Variants in MYSM1 observed in about 807,000 individuals in gnomAD.
MYSM1 encodes Myb like, SWIRM and MPN domains 1.
A neutral mutation model predicts 116.0 loss-of-function variants in MYSM1; 51 were observed. The observed-to-expected ratio is 0.44, with a 90% confidence interval of 0.35 to 0.56. The LOEUF (loss-of-function observed/expected upper bound fraction) is 0.56, where lower values mean the gene tolerates loss of function less well. MYSM1 is among the 20% of genes least tolerant of loss of function. The pLI, the probability that MYSM1 is intolerant of heterozygous loss-of-function variation, is 0.00. For synonymous variants in MYSM1, 313 were observed against 315.2 expected (o/e 0.99, Z 0.07); for missense variants, 900 against 974.9 (o/e 0.92, Z 1.02).
intron 11 of MYSM1, 42 bp from the exon 12 acceptor site, chr1:58,672,000 T>A (rs746631568): frequency 1.3e-6 from 2 of 1,483,472 alleles, no homozygotes; most frequent in East Asian, 2.3e-5. Flanking sequence ...CATCATCTAC[T>A]AAGAGGCAGA....
At chr1:58,672,027 A>G in intron 11 of MYSM1, 69 bp from the exon 12 acceptor site, 1 of 1,280,366 alleles carries the variant, frequency 7.8e-7, no homozygotes, top group East Asian at 2.4e-5. Context: ...ATAGTCCTTT[A>G]AAATCAAATT....
At position 58,695,160 on chromosome 1, in the gene MYSM1, T is replaced by A; in HGVS notation, c.116A>T (p.Asp39Val). 1 of 1,605,844 alleles carries A rather than the reference T, an allele frequency of 6.2e-7. No homozygotes were observed. Among genetic ancestry groups the A allele is most frequent in the Non-Finnish European group, 8.5e-7 (1 of 1,173,028 alleles). ...ASVLQKDHYL[D>V]SSWRTENGLI... Reference sequence around the variant, plus strand: ...GCCATTCTCTGTTCTCCAAGATGAATCAAGATAGTGATCTTTTTGTAAAAC... The same window carrying A: ...GCCATTCTCTGTTCTCCAAGATGAAACAAGATAGTGATCTTTTTGTAAAAC... Residue 39 changes from aspartate to valine, a missense_variant, in exon 2 of 20, where the codon GAT becomes GTT. Physicochemically the swap from Asp to Val is radical, Grantham distance 152 (BLOSUM62 -3). Around this residue, in one of 3 missense-constraint regions of MYSM1, gnomAD observed 622 missense variants for 623.7 expected, o/e 1.00. Coordinates refer to ENST00000472487, the MANE Select transcript of MYSM1 (RefSeq NM_001085487.3).
In MYSM1 at chr1:58,694,259, G is replaced by A. The variant is rs560719831; in HGVS notation, c.147+870C>T. On this transcript the variant is annotated intron_variant, in intron 2 of 19. Coordinates refer to ENST00000472487, the MANE Select transcript of MYSM1 (RefSeq NM_001085487.3). Reference sequence around the variant, plus strand: ...ATAAACTTCTTGAGAGCAGGAACACGTCTGTCTTCATTGTAGTCGTATTCT... The same window carrying A: ...ATAAACTTCTTGAGAGCAGGAACACATCTGTCTTCATTGTAGTCGTATTCT... 2.0e-5 allele frequency among the ~76,000 whole-genome samples: 3 copies of A among 152,284 alleles called. No individual in the cohort carries two copies. In the East Asian group the frequency reaches 5.8e-4, roughly 29 times the overall value.
intron 1 of MYSM1, among the ~76,000 whole-genome samples, chr1:58,699,327 C>T (rs1645029113): frequency 6.6e-6 from 1 of 152,182 alleles, no homozygotes; most frequent in Non-Finnish European, 1.5e-5. Context: ...TATGCTAAAG[C>T]ATATCTCATA....
intron 8 of MYSM1, among the ~76,000 whole-genome samples, chr1:58,679,118 C>A (rs925007224): frequency 2.0e-5 from 3 of 152,248 alleles, no homozygotes; most frequent in Admixed American, 2.0e-4. Context: ...TGAAAAGAAT[C>A]TTTATCTATA....
At chr1:58,696,667 C>T (rs562771679) in intron 1 of MYSM1, among the ~76,000 whole-genome samples, 11 of 152,292 alleles carry the variant, frequency 7.2e-5, no homozygotes, top group African/African-American at 2.6e-4. Flanking sequence ...ACAAACCATT[C>T]ACCTCCCCTC....
In MYSM1 at chr1:58,660,024, C is replaced by G; in HGVS notation, c.2460G>C (p.Glu820Asp). 1 of 1,602,550 alleles carries G rather than the reference C, an allele frequency of 6.2e-7. No individual in the cohort carries two copies. The highest frequency in any genetic ancestry group is 8.5e-7 in the Non-Finnish European group (1 of 1,174,104). The stretch of plus-strand genomic sequence containing the variant: ...ACATTAACAATTCCTTTGTACAGTT[C>G]TCTTCGGTTACTCCATTCTCTTGGT... ...KSNQENGVTE[E>D]NCTKELLM Residue 820 changes from glutamate (E) to aspartate (D), a missense_variant, in exon 20 of 20, where the codon GAG (glutamate) becomes GAC (aspartate). This residue lies in a region of MYSM1 where 186 missense variants were observed against 196.2 expected (regional missense o/e 0.95). Transcript: ENST00000472487.
rs1553135842 is a variant in MYSM1, at chr1:58,669,857, A to AAAAAAAAAAC, written c.1662-820_1662-819insGTTTTTTTTT. Among the ~76,000 whole-genome samples, 10 of 86,064 alleles carry AAAAAAAAAAC rather than the reference A, an allele frequency of 1.2e-4. 2 individuals carry two copies. Among genetic ancestry groups the AAAAAAAAAAC allele is most frequent in the African/African-American group, 1.7e-4 (4 of 23,300 alleles). 56.5% of individuals were successfully genotyped at this position (86,064 alleles called of 152,430 possible). ...TCTCCAAAAAAAAAAAAAAAAAAAA[A>AAAAAAAAAAC]AAAAACAAAAAAGTGAAAAAGTAAA... On this transcript the variant is annotated intron_variant, in intron 12 of 19. Coordinates refer to ENST00000472487, the MANE Select transcript of MYSM1 (RefSeq NM_001085487.3).
chr1:58,692,925 T>A lies in MYSM1; in HGVS notation c.154A>T (p.Thr52Ser). The A allele has an allele frequency of 1.3e-6, 2 of 1,594,232 alleles. No homozygotes were observed. Among genetic ancestry groups the A allele is most frequent in the Non-Finnish European group, 1.7e-6 (2 of 1,173,404 alleles). Residue 52 changes from threonine to serine, a missense_variant, in exon 3 of 20, where the codon ACC becomes TCC. This residue lies in a region of MYSM1 where 622 missense variants were observed against 623.7 expected (regional missense o/e 1.00). Coordinates refer to ENST00000472487, the MANE Select transcript of MYSM1 (RefSeq NM_001085487.3). ...WRTENGLIPW[T>S]LDNTISEENR... ...TCTTCACTGATGGTGTTATCCAAGG[T>A]CCAAGGCTATTAAAAAAGAGAATAT...
intron 12 of MYSM1, among the ~76,000 whole-genome samples, chr1:58,669,441 A>G (rs1163520798): frequency 6.6e-6 from 1 of 152,238 alleles, no homozygotes; most frequent in African/African-American, 2.4e-5. Flanking sequence ...TGTGCCCACT[A>G]TAGAATAGGA....
At position 58,655,635 on chromosome 1, in the gene MYSM1, GC is replaced by G. The variant is rs1644310286; in HGVS notation, c.*4361del. 6.6e-6 allele frequency: 1 copy of G among 152,032 alleles called. No individual in the cohort carries two copies. The highest frequency in any genetic ancestry group is 1.5e-5 in the Non-Finnish European group (1 of 67,986). 9.4% of individuals were successfully genotyped at this position (152,032 alleles called of 1,614,324 possible). A position where few individuals can be genotyped will look rare whatever the true frequency, so the allele number is the denominator to read the frequency against. On this transcript the variant is annotated 3_prime_UTR_variant, in exon 20 of 20. Transcript: ENST00000472487. ...AGAATTTGGGGGAATAGCACATGAA[GC>G]CATTTAAGAAAAGGTCAGGAAATAT...
intron 6 of MYSM1, among the ~76,000 whole-genome samples, chr1:58,688,587 T>C (rs1277985716): frequency 6.6e-6 from 1 of 151,988 alleles, no homozygotes; most frequent in Non-Finnish European, 1.5e-5. Flanking sequence ...CTGGTCTTCA[T>C]TTAGAGTCGC....
At chr1:58,686,462 T>G (rs2064372) in intron 6 of MYSM1, among the ~76,000 whole-genome samples, 86,391 of 151,996 alleles carry the variant, frequency 0.57, 24,853 homozygotes, top group East Asian at 0.64. Context: ...AGGAAAAGTT[T>G]TGTCAGATTT....
At chr1:58,669,610 T>C (rs1225016897) in intron 12 of MYSM1, among the ~76,000 whole-genome samples, 1 of 151,980 alleles carries the variant, frequency 6.6e-6, no homozygotes, top group East Asian at 1.9e-4. Flanking sequence ...GCAGACCCCT[T>C]GAGCCTAGGA....
At chr1:58,668,584 A>G (rs1644508341) in intron 14 of MYSM1, 48 bp downstream of exon 14, 3 of 1,553,814 alleles carry the variant, frequency 1.9e-6, no homozygotes, top group Non-Finnish European at 2.6e-6. Context: ...AAAAATACAC[A>G]AGAGTAGAAA....
Position 58,682,037 on chromosome 1 carries a change from C to T in MYSM1, c.1007G>A (p.Arg336Lys). 6.2e-7 allele frequency: 1 copy of T among 1,614,170 alleles called. No homozygotes were observed. The highest frequency in any genetic ancestry group is 8.5e-7 in the Non-Finnish European group (1 of 1,180,034). The change falls in exon 8 of 20, where the codon AGG becomes AAG. Residue 336 changes from arginine (R) to lysine (K), a missense_variant. Coordinates refer to ENST00000472487, the MANE Select transcript of MYSM1 (RefSeq NM_001085487.3). ...HDGRGIIVDA[R>K]QLPSPEPCEI... The stretch of plus-strand genomic sequence containing the variant: ...ACAAGGCTCTGGAGAAGGCAACTGC[C>T]TGGCATCAACTATTATTCCCCTTCC...
In MYSM1 at chr1:58,681,765, A is replaced by G; in HGVS notation, c.1259+20T>C. Reference sequence around the variant, plus strand: ...AATATCACGTTTTAAAACAACATCTATAATGTAATTCTTTCTTACCATTGA... The same window carrying G: ...AATATCACGTTTTAAAACAACATCTGTAATGTAATTCTTTCTTACCATTGA... On this transcript the variant is annotated intron_variant, in intron 8 of 19. Transcript: ENST00000472487. The G allele has an allele frequency of 6.4e-7, 1 of 1,552,878 alleles. No individual in the cohort carries two copies. Among genetic ancestry groups the G allele is most frequent in the Non-Finnish European group, 8.7e-7 (1 of 1,154,356 alleles).
In MYSM1 at chr1:58,659,126, T is replaced by C. The variant is rs547385785; in HGVS notation, c.*871A>G. On this transcript the variant is annotated 3_prime_UTR_variant, in exon 20 of 20. Coordinates refer to ENST00000472487, the MANE Select transcript of MYSM1 (RefSeq NM_001085487.3). ...AAAGCATATGAAACTGGGCTGAATA[T>C]GTAACATGTCCTGAAAGGCTTGTTT... The C allele has an allele frequency of 1.3e-5, 2 of 152,228 alleles. No individual in the cohort carries two copies. Among genetic ancestry groups the C allele is most frequent in the Admixed American group, 6.5e-5 (1 of 15,270 alleles). 9.4% of individuals were successfully genotyped at this position (152,228 alleles called of 1,614,324 possible). A position where few individuals can be genotyped will look rare whatever the true frequency, so the allele number is the denominator to read the frequency against.
At chr1:58,672,857 C>T (rs1184767189) in intron 11 of MYSM1, among the ~76,000 whole-genome samples, 1 of 152,104 alleles carries the variant, frequency 6.6e-6, no homozygotes, top group African/African-American at 2.4e-5. Flanking sequence ...ATTAGAAATA[C>T]AAGCCCCTTA....
Sources: gnomAD v4.1 joint callset for allele counts (sites outside exome capture counted in the v4.1 genomes callset) on GRCh38, gnomAD v4.1.1 for gene constraint, gnomAD v4.1.1 regional missense constraint, MANE v1.5 for transcripts, NCBI Gene and HGNC (gene_info 2026-07-23, HGNC 2026-07-21) for gene names.